The following GULP1 variants were observed in gnomAD, a reference collection of about 807,000 sequenced individuals.
The protein encoded by GULP1 is GULP PTB domain containing engulfment adaptor 1.
In GULP1, 19 loss-of-function variants were observed where a neutral mutation model predicts 40.9. That is an observed-to-expected ratio of 0.46 (90% CI 0.32 to 0.68). GULP1 has a LOEUF of 0.68. Among genes scored for constraint, GULP1 ranks in the 30% least tolerant of loss-of-function variants. The probability of loss-of-function intolerance (pLI) is 0.03; values close to 1 mark genes in which losing one functional copy is unlikely to be tolerated. For synonymous variants in GULP1, 119 were observed against 117.6 expected (o/e 1.01, Z -0.08); for missense variants, 312 against 362.2 (o/e 0.86, Z 1.12).
chr2:188,298,138 G>A (rs1004338720), intron 1 of GULP1, among the ~76,000 whole-genome samples: 2 of 152,104 alleles, frequency 1.3e-5, no homozygotes, highest in Admixed American at 6.5e-5. Context: ...TCTGCTTTGA[G>A]GAACTGTGTA....
chr2:188,367,663 C>T (rs766253024), intron 1 of GULP1, among the ~76,000 whole-genome samples: 3 of 152,044 alleles, frequency 2.0e-5, no homozygotes, highest in Admixed American at 6.5e-5. Flanking sequence ...AAGATAGAAA[C>T]GGTTACATAC....
At chr2:188,437,608 A>G (rs369165927) in intron 2 of GULP1, among the ~76,000 whole-genome samples, 15 of 152,270 alleles carry the variant, frequency 9.9e-5, no homozygotes, top group African/African-American at 3.1e-4. Flanking sequence ...TCATTCTACC[A>G]TAAAGACACG....
chr2:188,428,905 T>TG (rs1176212667), intron 2 of GULP1, among the ~76,000 whole-genome samples: 1 of 152,076 alleles, frequency 6.6e-6, no homozygotes, highest in African/African-American at 2.4e-5. Flanking sequence ...TAATTTACTC[T>TG]GGAAAACAAA....
chr2:188,493,450 A>G (rs2062603577), intron 4 of GULP1, among the ~76,000 whole-genome samples: 1 of 152,024 alleles, frequency 6.6e-6, no homozygotes, highest in Non-Finnish European at 1.5e-5. Flanking sequence ...TCTGGGTTCT[A>G]TCGTTAGAAC....
chr2:188,368,921 ATG>A (rs1553534330), intron 1 of GULP1, among the ~76,000 whole-genome samples: 2 of 66,184 alleles, frequency 3.0e-5, no homozygotes, highest in Non-Finnish European at 5.1e-5. Flanking sequence ...ATATATATAT[ATG>A]TATATATATA....
At chr2:188,580,381 G>A (rs1231319537) in intron 9 of GULP1, among the ~76,000 whole-genome samples, 1 of 151,692 alleles carries the variant, frequency 6.6e-6, no homozygotes, top group African/African-American at 2.4e-5. Context: ...GTGAAACCCC[G>A]TCTCTACTAA....
intron 3 of GULP1, among the ~76,000 whole-genome samples, chr2:188,482,067 T>C (rs935512759): frequency 2.0e-5 from 3 of 151,900 alleles, no homozygotes; most frequent in Admixed American, 6.6e-5. Flanking sequence ...TTCAAAATAT[T>C]TCACCCAAGT....
intron 1 of GULP1, among the ~76,000 whole-genome samples, chr2:188,340,879 G>A (rs1037127364): frequency 2.0e-5 from 3 of 152,060 alleles, no homozygotes; most frequent in Non-Finnish European, 4.4e-5. Flanking sequence ...TTTCTGGCTG[G>A]ACTGAACTCT....
chr2:188,569,236 C>A lies in GULP1; in HGVS notation c.400-3C>A. 1 of 1,416,400 alleles carries A rather than the reference C, an allele frequency of 7.1e-7. No homozygotes were observed. The highest frequency in any genetic ancestry group is 1.0e-6 in the Non-Finnish European group (1 of 1,004,024). The allele number at this position is 1,416,400 out of a possible 1,614,324, so 87.7% of individuals were successfully genotyped here. A position where few individuals can be genotyped will look rare whatever the true frequency, so the allele number is the denominator to read the frequency against. On this transcript the variant is annotated splice_polypyrimidine_tract_variant and splice_region_variant and intron_variant, in intron 7 of 11. Coordinates refer to ENST00000409830, the MANE Select transcript of GULP1 (RefSeq NM_016315.4). ...TGCAAATCTTTGTTTGATTTTTACA[C>A]AGGCTGAAGAGATCACTTTAACAAT...
intron 1 of GULP1, among the ~76,000 whole-genome samples, chr2:188,317,384 G>T (rs935423048): frequency 1.3e-5 from 2 of 152,134 alleles, no homozygotes; most frequent in African/African-American, 4.8e-5. Context: ...ACACAATCTA[G>T]TCAACTGGGA....
intron 1 of GULP1, among the ~76,000 whole-genome samples, chr2:188,383,182 G>A (rs561910289): frequency 2.6e-5 from 4 of 152,260 alleles, no homozygotes; most frequent in Non-Finnish European, 5.9e-5. Context: ...AATTTGTGCT[G>A]TTGTGTCTAC....
intron 1 of GULP1, among the ~76,000 whole-genome samples, chr2:188,332,058 A>G (rs534435967): frequency 3.3e-5 from 5 of 152,176 alleles, no homozygotes; most frequent in Admixed American, 1.3e-4. Flanking sequence ...GAGTGTTTTC[A>G]GGGTACATTA....
intron 2 of GULP1, among the ~76,000 whole-genome samples, chr2:188,465,359 C>T (rs1298136085): frequency 6.6e-6 from 1 of 151,656 alleles, no homozygotes; most frequent in East Asian, 2.0e-4. Flanking sequence ...CCTATCCTGC[C>T]CTGGCTGAGC....
At chr2:188,329,415 A>G (rs2041239590) in intron 1 of GULP1, among the ~76,000 whole-genome samples, 1 of 152,106 alleles carries the variant, frequency 6.6e-6, no homozygotes, top group Admixed American at 6.6e-5. Context: ...GTGACATGTG[A>G]AGTAGGTGAA....
chr2:188,295,760 G>A (rs929790360), intron 1 of GULP1, among the ~76,000 whole-genome samples: 18 of 152,006 alleles, frequency 1.2e-4, no homozygotes, highest in African/African-American at 3.4e-4. Context: ...TAAAAAGCAC[G>A]TGTATATGGG....
intron 2 of GULP1, among the ~76,000 whole-genome samples, chr2:188,393,573 A>G (rs925189411): frequency 6.6e-6 from 1 of 152,080 alleles, no homozygotes; most frequent in Admixed American, 6.6e-5. Context: ...ATTTATGTTC[A>G]ATGTTAATAT....
At chr2:188,511,064 C>T (rs1244018236) in intron 4 of GULP1, among the ~76,000 whole-genome samples, 1 of 152,082 alleles carries the variant, frequency 6.6e-6, no homozygotes, top group African/African-American at 2.4e-5. Flanking sequence ...TTAATTCTCA[C>T]AAGAACACTG....
intron 2 of GULP1, among the ~76,000 whole-genome samples, chr2:188,400,923 TTGTGTGTGTGTGTG>T (rs61060931): frequency 1.7e-3 from 238 of 139,600 alleles, no homozygotes; most frequent in African/African-American, 3.9e-3. Flanking sequence ...AGTGGTGTGT[TTGTGTGTGTGTGTG>T]TGTGTGTGTG....
intron 7 of GULP1, among the ~76,000 whole-genome samples, chr2:188,546,734 G>A (rs1692067407): frequency 6.6e-6 from 1 of 151,802 alleles, no homozygotes; most frequent in African/African-American, 2.4e-5. Flanking sequence ...TGGTGAAGTG[G>A]AAAATACAGA....
Sources: allele counts gnomAD v4.1 joint callset (sites outside exome capture counted in the v4.1 genomes callset), GRCh38; gene constraint gnomAD v4.1.1; transcripts MANE v1.5; gene names NCBI Gene and HGNC (gene_info 2026-07-23, HGNC 2026-07-21).